PALLD: variants seen among roughly 807,000 people sequenced by gnomAD.
PALLD encodes palladin, cytoskeletal associated protein.
Under a neutral mutation model 123.5 loss-of-function variants are expected in PALLD, and 61 were observed. The ratio of observed to expected loss-of-function variants is 0.49; its 90% confidence interval spans 0.40 to 0.61. PALLD has a LOEUF of 0.61. PALLD is among the 20% of genes least tolerant of loss of function. The pLI, the probability that PALLD is intolerant of heterozygous loss-of-function variation, is 0.00. For missense variants in PALLD, 1,273 were observed against 1,377.0 expected (o/e 0.92, Z 1.20); for synonymous variants, 465 against 496.4 (o/e 0.94, Z 0.84).
At chr4:168,712,331 C>G (rs920726137) in intron 10 of PALLD, 3 of 261,364 alleles carry the variant, frequency 1.1e-5, no homozygotes, top group Non-Finnish European at 2.2e-5. Flanking sequence ...GTAAGAAGAT[C>G]TGATATAGAC....
chr4:168,526,272 T>A (rs1416217136), intron 2 of PALLD, among the ~76,000 whole-genome samples: 1 of 152,234 alleles, frequency 6.6e-6, no homozygotes, highest in Admixed American at 6.5e-5. Context: ...TTGTTGCATA[T>A]GTGTTTTTTC....
At chr4:168,692,578 G>A (rs942811331) in intron 8 of PALLD, among the ~76,000 whole-genome samples, 2 of 152,198 alleles carry the variant, frequency 1.3e-5, no homozygotes. Context: ...CACATCTTGT[G>A]CATTTGCTAT....
At chr4:168,811,403 A>G (rs766088751) in intron 10 of PALLD, among the ~76,000 whole-genome samples, 1 of 152,126 alleles carries the variant, frequency 6.6e-6, no homozygotes, top group African/African-American at 2.4e-5. Context: ...TCATGAGTAG[A>G]TAAGGAAGTG....
intron 10 of PALLD, among the ~76,000 whole-genome samples, chr4:168,758,033 T>C (rs1300175091): frequency 6.6e-6 from 1 of 152,182 alleles, no homozygotes. Context: ...ATCACGCAAC[T>C]ACACTCCAGC....
intron 2 of PALLD, among the ~76,000 whole-genome samples, chr4:168,558,647 A>G (rs1189694496): frequency 6.6e-6 from 1 of 152,174 alleles, no homozygotes; most frequent in South Asian, 2.1e-4. Flanking sequence ...TGAAAATCCA[A>G]ATATATGGAT....
intron 2 of PALLD, among the ~76,000 whole-genome samples, chr4:168,560,963 C>A (rs1767800941): frequency 1.3e-5 from 2 of 152,080 alleles, no homozygotes; most frequent in South Asian, 4.1e-4. Flanking sequence ...AGCAGAGTTG[C>A]CTGCAATAAT....
chr4:168,809,467 A>G (rs1322994898), intron 10 of PALLD, among the ~76,000 whole-genome samples: 1 of 152,138 alleles, frequency 6.6e-6, no homozygotes, highest in Non-Finnish European at 1.5e-5. Context: ...CCACCTAGAG[A>G]GAAACATAAG....
chr4:168,570,441 G>A (rs962149570), intron 2 of PALLD, among the ~76,000 whole-genome samples: 1 of 152,076 alleles, frequency 6.6e-6, no homozygotes, highest in African/African-American at 2.4e-5. Flanking sequence ...TTTTAGACAC[G>A]CCTTCAGGAT....
chr4:168,531,918 T>G (rs1303902724), intron 2 of PALLD, among the ~76,000 whole-genome samples: 1 of 152,148 alleles, frequency 6.6e-6, no homozygotes, highest in Admixed American at 6.5e-5. Flanking sequence ...TTAAAGATTT[T>G]TACTTCTCTC....
intron 10 of PALLD, among the ~76,000 whole-genome samples, chr4:168,838,998 G>C (rs1745618582): frequency 6.6e-6 from 1 of 152,010 alleles, no homozygotes; most frequent in South Asian, 2.1e-4. Context: ...CTTCACCCAG[G>C]CTGGAGTGCA....
At chr4:168,707,178 C>T (rs1437585891) in intron 8 of PALLD, among the ~76,000 whole-genome samples, 2 of 152,048 alleles carry the variant, frequency 1.3e-5, no homozygotes, top group Non-Finnish European at 2.9e-5. Flanking sequence ...TGGTCTGAAA[C>T]GTTTGCTCTT....
intron 2 of PALLD, among the ~76,000 whole-genome samples, chr4:168,552,793 A>G (rs900797006): frequency 1.3e-5 from 2 of 152,036 alleles, no homozygotes; most frequent in Non-Finnish European, 2.9e-5. Flanking sequence ...GTCCTGCCTC[A>G]GCCTCCTGAG....
chr4:168,848,202 A>G (rs898000268), intron 10 of PALLD, among the ~76,000 whole-genome samples: 2 of 112,174 alleles, frequency 1.8e-5, no homozygotes, highest in East Asian at 2.1e-4. Context: ...AGTGAAGCAA[A>G]CTGAGAGGAA....
intron 10 of PALLD, among the ~76,000 whole-genome samples, chr4:168,744,589 T>G (rs1317481118): frequency 6.6e-6 from 1 of 152,122 alleles, no homozygotes; most frequent in African/African-American, 2.4e-5. Flanking sequence ...CTCTGTTATT[T>G]TAGGAGGACA....
intron 2 of PALLD, among the ~76,000 whole-genome samples, chr4:168,575,124 G>T (rs973080840): frequency 2.0e-5 from 3 of 152,120 alleles, no homozygotes; most frequent in Non-Finnish European, 2.9e-5. Flanking sequence ...ATTCGCTACA[G>T]CAATAGTTCT....
intron 10 of PALLD, among the ~76,000 whole-genome samples, chr4:168,774,350 A>G (rs754708926): frequency 1.3e-4 from 20 of 152,126 alleles, no homozygotes; most frequent in Non-Finnish European, 2.4e-4. Flanking sequence ...ATTGCTATAT[A>G]TAAGAAAGAG....
At chr4:168,689,326 T>C (rs4416439) in intron 6 of PALLD, among the ~76,000 whole-genome samples, 30,255 of 151,782 alleles carry the variant, frequency 0.2, 3,277 homozygotes, top group African/African-American at 0.27. Flanking sequence ...AACAAAACAA[T>C]TCACACTTCC....
chr4:168,600,074 C>T (rs761353067), intron 2 of PALLD, among the ~76,000 whole-genome samples: 7 of 64,444 alleles, frequency 1.1e-4, no homozygotes, highest in East Asian at 4.6e-4. Flanking sequence ...CATGTGTATA[C>T]ACACACATAT....
chr4:168,512,594 A>C (rs188875839), intron 2 of PALLD, among the ~76,000 whole-genome samples, 182 bp downstream of exon 2: 5 of 152,266 alleles, frequency 3.3e-5, no homozygotes, highest in Admixed American at 2.6e-4. Context: ...GGCCTGATAT[A>C]TCTGTGGTCA....
Sources: gnomAD v4.1 joint callset for allele counts (sites outside exome capture counted in the v4.1 genomes callset) on GRCh38, gnomAD v4.1.1 for gene constraint, MANE v1.5 for transcripts, NCBI Gene and HGNC (gene_info 2026-07-23, HGNC 2026-07-21) for gene names.